CLCA4: variants seen among roughly 807,000 people sequenced by gnomAD.
CLCA4 encodes chloride channel accessory 4.
In CLCA4, 69 loss-of-function variants were observed where a neutral mutation model predicts 78.9. The observed-to-expected ratio is 0.87, with a 90% CI of 0.72 to 1.07. The LOEUF is 1.07. Among genes scored for constraint, CLCA4 ranks in the 50% least tolerant of loss-of-function variants. The probability of loss-of-function intolerance (pLI) is 0.00; values close to 1 mark genes in which losing one functional copy is unlikely to be tolerated. For missense variants in CLCA4, 1,133 were observed against 1,095.8 expected (o/e 1.03, Z -0.48); for synonymous variants, 362 against 375.8 (o/e 0.96, Z 0.42).
In CLCA4 at chr1:86,560,330, A is replaced by G; in HGVS notation, c.420A>G (p.Gly140=). 6.2e-7 allele frequency: 1 copy of G among 1,613,816 alleles called. No homozygotes were observed. Among genetic ancestry groups the G allele is most frequent in the Non-Finnish European group, 8.5e-7 (1 of 1,179,862 alleles). The change falls in exon 3 of 14, where the codon GGA becomes GGG. Residue 140 remains glycine (G), a synonymous_variant. Transcript: ENST00000370563. The part of the protein sequence containing the change: ...YIHFTPDLLL[G]KKQNEYGPPG... ...ACTTCACCCCTGACCTTCTACTTGG[A>G]AAAAAACAAAATGAATATGGACCAC...
In CLCA4 at chr1:86,567,665, T is replaced by A; in HGVS notation, c.1182+14T>A. 6.3e-7 allele frequency: 1 copy of A among 1,598,230 alleles called. No individual in the cohort carries two copies. The highest frequency in any genetic ancestry group is 8.6e-7 in the Non-Finnish European group (1 of 1,168,770). On this transcript the variant is annotated intron_variant, in intron 7 of 13. Transcript: ENST00000370563. ...TATGCATTTCAGGTGAAAATCGTAC[T>A]GCAAATATATTTTGGTTTTTGTTTC...
chr1:86,577,792 T>C, intron 11 of CLCA4, 110 bp from the exon 12 acceptor site: 1 of 791,760 alleles, frequency 1.3e-6, no homozygotes. Context: ...AGGGTCAATC[T>C]AAAAATATTA....
At position 86,576,899 on chromosome 1, in the gene CLCA4, C is replaced by T. The variant is rs114984522; in HGVS notation, c.1952-1003C>T. Among the ~76,000 whole-genome samples, 888 of 152,066 alleles carry T rather than the reference C, an allele frequency of 5.8e-3. 9 individuals are homozygous for T. The highest frequency in any genetic ancestry group is 0.02 in the African/African-American group (826 of 41,496). ...CCTAGATTCTGGATTGTTCTAGGAA[C>T]GGAAGCTTCTGTTAAGAGGTTAATG... On this transcript the variant is annotated intron_variant, in intron 11 of 13. Coordinates refer to ENST00000370563, the MANE Select transcript of CLCA4 (RefSeq NM_012128.4).
chr1:86,567,672 A>G, intron 7 of CLCA4, 21 bp downstream of exon 7: 1 of 1,594,198 alleles, frequency 6.3e-7, no homozygotes, highest in South Asian at 1.1e-5. Context: ...TACTGCAAAT[A>G]TATTTTGGTT....
At chr1:86,567,012 T>C (rs779499689) in intron 6 of CLCA4, among the ~76,000 whole-genome samples, 2 of 151,984 alleles carry the variant, frequency 1.3e-5, no homozygotes, top group Non-Finnish European at 2.9e-5. Flanking sequence ...GATTCCAGTC[T>C]CTGGTTGGAG....
At chr1:86,547,308 A>G in intron 1 of CLCA4, 30 bp downstream of exon 1, 2 of 1,511,048 alleles carry the variant, frequency 1.3e-6, no homozygotes, top group Non-Finnish European at 1.8e-6. Context: ...TCTTTCATTA[A>G]TTTTTAGTTT....
At position 86,572,724 on chromosome 1, in the gene CLCA4, A is replaced by G; in HGVS notation, c.1467+4A>G. On this transcript the variant is annotated splice_donor_region_variant and intron_variant, in intron 9 of 13. Transcript: ENST00000370563. The stretch of plus-strand genomic sequence containing the variant: ...TCTCTCCCAGAAGTCCCTTCAGGTC[A>G]GAGTTCTCATTCCTTGGGTTTTCAT... 3 of 1,515,214 alleles carry G rather than the reference A, an allele frequency of 2.0e-6. No homozygotes were observed. Among genetic ancestry groups the G allele is most frequent in the Non-Finnish European group, 1.8e-6 (2 of 1,090,032 alleles). The allele number at this position is 1,515,214 out of a possible 1,614,324, so 93.9% of individuals were successfully genotyped here.
chr1:86,561,696 C>A (rs749622993), intron 3 of CLCA4, among the ~76,000 whole-genome samples: 3 of 152,042 alleles, frequency 2.0e-5, no homozygotes, highest in Non-Finnish European at 4.4e-5. Flanking sequence ...CCACCTACAC[C>A]TTCTCTACCT....
chr1:86,556,424 C>T (rs1197813476), intron 1 of CLCA4, among the ~76,000 whole-genome samples: 1 of 152,138 alleles, frequency 6.6e-6, no homozygotes, highest in East Asian at 1.9e-4. Context: ...AAAACCTTTT[C>T]TCCATCTCCT....
chr1:86,548,263 G>A (rs967672218), intron 1 of CLCA4, among the ~76,000 whole-genome samples: 2 of 152,060 alleles, frequency 1.3e-5, no homozygotes, highest in Admixed American at 6.5e-5. Context: ...TGTCTATTCA[G>A]ATCATTTGCC....
chr1:86,565,479 A>G (rs199996343), intron 5 of CLCA4, 28 bp downstream of exon 5: 5 of 1,483,380 alleles, frequency 3.4e-6, no homozygotes, highest in Non-Finnish European at 3.7e-6. Flanking sequence ...TGCTTCCAGA[A>G]TTTATAATCA....
rs1297456514 is a variant in CLCA4, at chr1:86,575,348, A to T, written c.1700A>T (p.Tyr567Phe). The change falls in exon 11 of 14, where the codon TAC becomes TTC. Residue 567 changes from tyrosine to phenylalanine, a missense_variant. Tyr to Phe is a conservative substitution (Grantham distance 22). Coordinates refer to ENST00000370563, the MANE Select transcript of CLCA4 (RefSeq NM_012128.4). Reference sequence around the variant, plus strand: ...AACTTTTAGGTGGGCACTTGGGCATACAATCTTCAAGCCAAAGCGAACCCA... The same window carrying T: ...AACTTTTAGGTGGGCACTTGGGCATTCAATCTTCAAGCCAAAGCGAACCCA... ...PGTAKVGTWA[Y>F]NLQAKANPET... 6.2e-7 allele frequency: 1 copy of T among 1,612,948 alleles called. No individual in the cohort carries two copies.
Position 86,571,211 on chromosome 1 carries a change from A to G in CLCA4, c.1317A>G (p.Gly439=), listed in dbSNP as rs754964759. Reference sequence around the variant, plus strand: ...CCATTGTTCATTTTATTGCTTTGGGAAGAGCTGCTGATGAAGCAGTAATAG... The same window carrying G: ...CCATTGTTCATTTTATTGCTTTGGGGAGAGCTGCTGATGAAGCAGTAATAG... ...SGAIVHFIAL[G]RAADEAVIEM... Residue 439 remains glycine, a synonymous_variant, in exon 8 of 14, where the codon GGA becomes GGG. Transcript: ENST00000370563. 8.1e-6 allele frequency: 13 copies of G among 1,612,704 alleles called. No individual in the cohort carries two copies. In the East Asian group the frequency reaches 2.9e-4, roughly 36 times the overall value.
At chr1:86,564,783 G>A (rs998850858) in intron 4 of CLCA4, among the ~76,000 whole-genome samples, 7 of 151,890 alleles carry the variant, frequency 4.6e-5, no homozygotes, top group East Asian at 1.9e-4. Flanking sequence ...CCTCATCTTC[G>A]CTTCCAATCA....
At chr1:86,550,871 C>G (rs1159353442) in intron 1 of CLCA4, among the ~76,000 whole-genome samples, 5 of 149,600 alleles carry the variant, frequency 3.3e-5, no homozygotes, top group South Asian at 2.1e-4. Context: ...TCGATCTGTC[C>G]CCCAGGCTGG....
chr1:86,563,506 G>T (rs1304975523), intron 3 of CLCA4, among the ~76,000 whole-genome samples, 155 bp from the exon 4 acceptor site: 1 of 152,008 alleles, frequency 6.6e-6, no homozygotes, highest in African/African-American at 2.4e-5. Flanking sequence ...GTAATTTAAT[G>T]CAATAGGCTT....
chr1:86,579,665 G>C lies in CLCA4; in HGVS notation c.2356+78G>C, dbSNP rs1650646855. 10 of 993,908 alleles carry C rather than the reference G, an allele frequency of 1.0e-5. 1 individual carries two copies. In the Middle Eastern group the frequency reaches 1.3e-3, roughly 128 times the overall value. The allele number at this position is 993,908 out of a possible 1,614,324, so 61.6% of individuals were successfully genotyped here. A position where few individuals can be genotyped will look rare whatever the true frequency, so the allele number is the denominator to read the frequency against. ...AAAACAGGGGTGTAAGGGTGGGTGG[G>C]GGGAGAATGGTTTTATATTGACAGC... On this transcript the variant is annotated intron_variant, in intron 13 of 13. Transcript: ENST00000370563.
intron 4 of CLCA4, among the ~76,000 whole-genome samples, chr1:86,564,370 G>A (rs749826722): frequency 1.3e-5 from 2 of 152,136 alleles, no homozygotes; most frequent in Non-Finnish European, 2.9e-5. Flanking sequence ...AAAGGTATAT[G>A]ATTTCAATCA....
chr1:86,575,433 A>G lies in CLCA4; in HGVS notation c.1785A>G (p.Thr595=). Residue 595 remains threonine (T), a synonymous_variant, in exon 11 of 14, where the codon ACA becomes ACG. Coordinates refer to ENST00000370563, the MANE Select transcript of CLCA4 (RefSeq NM_012128.4). ...RAANSSVPPI[T]VNAKMNKDVN... ...CAAATTCTTCTGTGCCTCCAATCACAGTGAATGCTAAAATGAATAAGGACG... is the reference window on the plus strand; with the variant it reads ...CAAATTCTTCTGTGCCTCCAATCACGGTGAATGCTAAAATGAATAAGGACG... 2 of 1,613,508 alleles carry G rather than the reference A, an allele frequency of 1.2e-6. No homozygotes were observed. Among genetic ancestry groups the G allele is most frequent in the Non-Finnish European group, 1.7e-6 (2 of 1,179,620 alleles).
Sources: gnomAD v4.1 joint callset for allele counts (sites outside exome capture counted in the v4.1 genomes callset) on GRCh38, gnomAD v4.1.1 for gene constraint, MANE v1.5 for transcripts, NCBI Gene and HGNC (gene_info 2026-07-23, HGNC 2026-07-21) for gene names.